Variants in CSTPP1 observed in about 807,000 individuals in gnomAD.
CSTPP1 encodes centriolar satellite-associated tubulin polyglutamylase complex regulator 1.
chr11:47,092,995 G>A, the CSTPP1 span, among the ~76,000 whole-genome samples: 2 of 152,198 alleles, frequency 1.3e-5, no homozygotes, highest in African/African-American at 4.8e-5. Context: ...TTAATAACTA[G>A]ATGAATGAAT....
chr11:47,014,145 A>C, the CSTPP1 span, among the ~76,000 whole-genome samples: 1 of 152,026 alleles, frequency 6.6e-6, no homozygotes. Context: ...ATTAGCCATG[A>C]GTATGCCATT....
chr11:47,015,665 T>G, the CSTPP1 span, among the ~76,000 whole-genome samples: 1 of 152,032 alleles, frequency 6.6e-6, no homozygotes, highest in Non-Finnish European at 1.5e-5. Context: ...ACTAGCATTA[T>G]TCTAATACCC....
chr11:47,104,601 G>A, the CSTPP1 span, among the ~76,000 whole-genome samples: 4 of 152,302 alleles, frequency 2.6e-5, no homozygotes, highest in South Asian at 4.1e-4. Context: ...TCTATCTGAA[G>A]AGCCCAGTGT....
the CSTPP1 span, chr11:47,160,117 T>TA: frequency 2.3e-5 from 4 of 172,664 alleles, no homozygotes; most frequent in South Asian, 5.4e-4. Context: ...GCCTGGGCAA[T>TA]ATAGGGAGAA....
chr11:46,948,426 A>T, the CSTPP1 span, among the ~76,000 whole-genome samples: 2 of 152,256 alleles, frequency 1.3e-5, no homozygotes, highest in African/African-American at 4.8e-5. Context: ...TTGTGTATAT[A>T]GCCACACAAA....
the CSTPP1 span, among the ~76,000 whole-genome samples, chr11:46,969,250 G>A: frequency 1.3e-5 from 2 of 151,948 alleles, no homozygotes; most frequent in African/African-American, 2.4e-5. Flanking sequence ...TGAAGCCCCC[G>A]CCCCTCCTGC....
chr11:47,070,998 C>A, the CSTPP1 span, among the ~76,000 whole-genome samples: 2 of 152,088 alleles, frequency 1.3e-5, no homozygotes, highest in Admixed American at 1.3e-4. Flanking sequence ...GTAGAACTTT[C>A]CCCCATGTCT....
the CSTPP1 span, among the ~76,000 whole-genome samples, chr11:47,065,977 T>TTGTG: frequency 8.0e-3 from 1,167 of 146,076 alleles, 6 homozygotes; most frequent in African/African-American, 0.017. Context: ...GGTCTAACAG[T>TTGTG]TGTGTGTGTG....
the CSTPP1 span, among the ~76,000 whole-genome samples, chr11:47,028,315 G>A: frequency 6.6e-5 from 10 of 152,180 alleles, no homozygotes; most frequent in Non-Finnish European, 1.0e-4. Context: ...ATGCATATCC[G>A]TGGGGAGAAG....
the CSTPP1 span, among the ~76,000 whole-genome samples, chr11:47,141,817 C>T: frequency 3.3e-5 from 5 of 150,432 alleles, no homozygotes; most frequent in South Asian, 1.1e-3. Context: ...TCTATAATCC[C>T]AGCTACTCAG....
At chr11:47,137,322 A>G in the CSTPP1 span, 3 of 1,371,358 alleles carry the variant, frequency 2.2e-6, no homozygotes, top group Middle Eastern at 1.9e-4. Context: ...CCAGATTTTT[A>G]TATACAAGGA....
the CSTPP1 span, among the ~76,000 whole-genome samples, chr11:47,038,808 G>T: frequency 1.7e-5 from 2 of 115,906 alleles, no homozygotes; most frequent in East Asian, 2.4e-4. Flanking sequence ...GGGCGGAGGG[G>T]CTCCTCACTT....
the CSTPP1 span, among the ~76,000 whole-genome samples, chr11:46,943,569 C>T: frequency 6.6e-6 from 1 of 152,242 alleles, no homozygotes; most frequent in Non-Finnish European, 1.5e-5. Flanking sequence ...CCAATTTCTT[C>T]TTGCCACTGG....
At chr11:47,017,390 A>G in the CSTPP1 span, among the ~76,000 whole-genome samples, 1 of 150,826 alleles carries the variant, frequency 6.6e-6, no homozygotes, top group Non-Finnish European at 1.5e-5. Flanking sequence ...GGTCAGGCTG[A>G]TCTTGAACTG....
the CSTPP1 span, among the ~76,000 whole-genome samples, chr11:46,984,393 A>C: frequency 6.6e-6 from 1 of 152,252 alleles, no homozygotes; most frequent in Non-Finnish European, 1.5e-5. Context: ...TGAAACAATT[A>C]GTACAGTACT....
the CSTPP1 span, among the ~76,000 whole-genome samples, chr11:47,038,494 A>G: frequency 8.9e-4 from 44 of 49,618 alleles, no homozygotes; most frequent in Admixed American, 1.2e-3. Context: ...GCGGCCGGCC[A>G]GGCAGAGGGG....
chr11:47,085,707 T>G, the CSTPP1 span, among the ~76,000 whole-genome samples: 13 of 151,900 alleles, frequency 8.6e-5, no homozygotes, highest in South Asian at 2.1e-4. Context: ...CTGGCTAACA[T>G]GACGAAACCC....
the CSTPP1 span, chr11:47,161,720 C>A: frequency 6.6e-7 from 1 of 1,510,376 alleles, no homozygotes; most frequent in South Asian, 1.3e-5. Context: ...TCCTCTCCAG[C>A]ACCTTGCTGT....
At chr11:47,050,623 A>G in the CSTPP1 span, among the ~76,000 whole-genome samples, 1 of 152,334 alleles carries the variant, frequency 6.6e-6, no homozygotes, top group East Asian at 1.9e-4. Context: ...CCCCCTTAGA[A>G]TATGAAGCAC....
Sources: gnomAD v4.1 joint callset for allele counts (sites outside exome capture counted in the v4.1 genomes callset) on GRCh38, gnomAD v4.1.1 for gene constraint, MANE v1.5 for transcripts, NCBI Gene and HGNC (gene_info 2026-07-23, HGNC 2026-07-21) for gene names.